The following C2orf76 variants were observed in gnomAD, a reference collection of about 807,000 sequenced individuals.
C2orf76 encodes the protein chromosome 2 open reading frame 76.
A neutral mutation model predicts 16.9 loss-of-function variants in C2orf76; 23 were observed. The ratio of observed to expected loss-of-function variants is 1.36; its 90% confidence interval spans 0.98 to 1.93. The LOEUF is 1.93. C2orf76 is among the 30% of genes most tolerant of loss of function. The pLI, the probability that C2orf76 is intolerant of heterozygous loss-of-function variation, is 0.00. For missense variants in C2orf76, 152 were observed against 152.6 expected, an observed-to-expected ratio of 1.00 and a Z score of 0.02; for synonymous variants, 48 against 52.3, an observed-to-expected ratio of 0.92 and a Z score of 0.35.
chr2:119,367,025 C>T (rs758198856), upstream of C2orf76: 5 of 1,613,906 alleles, frequency 3.1e-6, no homozygotes, highest in African/African-American at 5.3e-5. Context: ...TCCGCTGTCT[C>T]CCTGGAGTTC....
intron 5 of C2orf76, among the ~76,000 whole-genome samples, chr2:119,306,658 G>C (rs986323337): frequency 6.6e-5 from 10 of 151,988 alleles, no homozygotes; most frequent in African/African-American, 2.4e-4. Flanking sequence ...TTATTACTTA[G>C]GGGAATTAGC....
At chr2:119,295,140 C>A in the C2orf76 span, among the ~76,000 whole-genome samples, 4 of 152,180 alleles carry the variant, frequency 2.6e-5, no homozygotes, top group East Asian at 3.9e-4. Context: ...GAGACAGAGA[C>A]GACAAGAAAG....
At chr2:119,310,435 T>C (rs1490545076) in intron 5 of C2orf76, among the ~76,000 whole-genome samples, 3 of 152,216 alleles carry the variant, frequency 2.0e-5, no homozygotes, top group African/African-American at 7.2e-5. Context: ...CAACATGGTA[T>C]TTAAGATCCT....
chr2:119,330,716 C>T (rs2104584368), intron 2 of C2orf76, among the ~76,000 whole-genome samples: 1 of 152,256 alleles, frequency 6.6e-6, no homozygotes, highest in East Asian at 1.9e-4. Flanking sequence ...TAGAAGTTGT[C>T]CCATACCTCC....
At chr2:119,363,392 C>G (rs1222531446) in intron 1 of C2orf76, among the ~76,000 whole-genome samples, 1 of 151,178 alleles carries the variant, frequency 6.6e-6, no homozygotes, top group African/African-American at 2.4e-5. Flanking sequence ...CCACTACACT[C>G]CAGCCTGGGC....
At chr2:119,309,616 C>T (rs1476855652) in intron 5 of C2orf76, among the ~76,000 whole-genome samples, 1 of 151,792 alleles carries the variant, frequency 6.6e-6, no homozygotes, top group Non-Finnish European at 1.5e-5. Flanking sequence ...GATGGGATTT[C>T]ACCATATTGG....
intron 2 of C2orf76, among the ~76,000 whole-genome samples, chr2:119,326,956 T>C (rs891974756): frequency 1.3e-5 from 2 of 152,222 alleles, no homozygotes; most frequent in African/African-American, 2.4e-5. Context: ...AGCATTTGTA[T>C]AGATTTCATA....
chr2:119,323,624 T>A (rs1031373946), intron 2 of C2orf76, among the ~76,000 whole-genome samples: 5 of 151,886 alleles, frequency 3.3e-5, no homozygotes, highest in Non-Finnish European at 7.4e-5. Flanking sequence ...GCAGAGATAT[T>A]TAAACACAAA....
At chr2:119,334,587 G>A (rs1006580509) in intron 2 of C2orf76, among the ~76,000 whole-genome samples, 1 of 151,574 alleles carries the variant, frequency 6.6e-6, no homozygotes, top group Non-Finnish European at 1.5e-5. Flanking sequence ...CTACTCAGGA[G>A]GCTATGGTGG....
At chr2:119,367,018 GCTGTCTC>G (rs767700430), upstream of C2orf76, 1 of 1,613,856 alleles carries the variant, frequency 6.2e-7, no homozygotes, top group South Asian at 1.1e-5. Context: ...CGCCTCCTCC[GCTGTCTC>G]CCTGGAGTTC....
intron 1 of C2orf76, among the ~76,000 whole-genome samples, chr2:119,342,644 G>A (rs1362079899): frequency 6.6e-6 from 1 of 151,948 alleles, no homozygotes; most frequent in African/African-American, 2.4e-5. Context: ...AAAGAAAGGA[G>A]ACAATTATCT....
chr2:119,322,766 G>A (rs1206592260), intron 2 of C2orf76, among the ~76,000 whole-genome samples: 1 of 149,344 alleles, frequency 6.7e-6, no homozygotes, highest in Non-Finnish European at 1.5e-5. Context: ...AGATATGAGA[G>A]AACATTATTT....
At chr2:119,366,863 CG>C, upstream of C2orf76, 1 of 741,882 alleles carries the variant, frequency 1.3e-6, no homozygotes, top group Non-Finnish European at 2.2e-6. Context: ...GCGGGGCTAG[CG>C]CCGCGGCGGG....
chr2:119,286,501 G>A, the C2orf76 span, among the ~76,000 whole-genome samples: 2 of 152,114 alleles, frequency 1.3e-5, no homozygotes, highest in South Asian at 4.1e-4. Flanking sequence ...AGGGGACAGG[G>A]GAGAGCTGGG....
At chr2:119,316,622 G>A (rs1181684966) in intron 4 of C2orf76, among the ~76,000 whole-genome samples, 2 of 147,350 alleles carry the variant, frequency 1.4e-5, no homozygotes, top group South Asian at 2.2e-4. Flanking sequence ...GTGCATCTAC[G>A]ACTACAGAAG....
intron 1 of C2orf76, among the ~76,000 whole-genome samples, chr2:119,345,568 A>T (rs1680170781): frequency 6.6e-6 from 1 of 152,192 alleles, no homozygotes; most frequent in East Asian, 1.9e-4. Flanking sequence ...ACACTTTTTT[A>T]AAAAGCTGGT....
intron 2 of C2orf76, chr2:119,339,199 A>G (rs985499088): frequency 2.0e-5 from 3 of 152,238 alleles, no homozygotes; most frequent in African/African-American, 7.2e-5. Context: ...ATATGTAAAT[A>G]ACACTTCAAT....
chr2:119,313,053 C>A (rs1304864365), intron 4 of C2orf76, among the ~76,000 whole-genome samples: 1 of 150,610 alleles, frequency 6.6e-6, no homozygotes, highest in African/African-American at 2.4e-5. Flanking sequence ...AAGTTGCTAT[C>A]TGCCCCTAAA....
intron 2 of C2orf76, among the ~76,000 whole-genome samples, chr2:119,337,413 G>A (rs1374623010): frequency 6.6e-6 from 1 of 152,106 alleles, no homozygotes; most frequent in Non-Finnish European, 1.5e-5. Flanking sequence ...TTCTTCACCT[G>A]TAAAATGGTT....
Sources: gnomAD v4.1 joint callset for allele counts (sites outside exome capture counted in the v4.1 genomes callset) on GRCh38, gnomAD v4.1.1 for gene constraint, MANE v1.5 for transcripts, NCBI Gene and HGNC (gene_info 2026-07-23, HGNC 2026-07-21) for gene names.